The following SP6 variants were observed in gnomAD, a reference collection of about 807,000 sequenced individuals.
SP6 encodes the protein Sp6 transcription factor.
In SP6, 10 loss-of-function variants were observed where a neutral mutation model predicts 23.4. The ratio of observed to expected loss-of-function variants is 0.43; its 90% CI spans 0.26 to 0.72. The LOEUF is 0.72. Among genes scored for constraint, SP6 ranks in the 30% least tolerant of loss-of-function variants. The pLI is 0.23. For missense variants in SP6, 482 were observed against 523.8 expected (o/e 0.92, Z 0.78); for synonymous variants, 238 against 238.7 (o/e 1.00, Z 0.03).
chr17:47,864,936 C>T, the SP6 span: 1 of 152,296 alleles, frequency 6.6e-6, no homozygotes, highest in Non-Finnish European at 1.5e-5. Context: ...TCCCCCTATC[C>T]ACACCCAAGA....
chr17:47,863,839 C>T, the SP6 span, among the ~76,000 whole-genome samples: 9 of 149,228 alleles, frequency 6.0e-5, no homozygotes, highest in Admixed American at 2.0e-4. Context: ...CCTGGGTTCA[C>T]GCCATTCTCC....
rs200504646 is a variant in SP6, at chr17:47,847,378, C to A, written c.1052G>T (p.Gly351Val). The A allele has an allele frequency of 1.2e-6, 2 of 1,611,516 alleles. No individual in the cohort carries two copies. Among genetic ancestry groups the A allele is most frequent in the African/African-American group, 2.7e-5 (2 of 74,886 alleles). ...EEAAGAASGEGKAGGAVEPPG... is the reference protein window; with the variant it reads ...EEAAGAASGEVKAGGAVEPPG... The stretch of plus-strand genomic sequence containing the variant: ...GGGCTCCACTGCGCCGCCGGCCTTG[C>A]CCTCTCCCGAGGCCGCCCCAGCCGC... The change falls in exon 2 of 2, where the codon GGC becomes GTC. Residue 351 changes from glycine to valine, a missense_variant. Physicochemically the swap from Gly to Val is moderately radical, Grantham distance 109. Coordinates refer to ENST00000536300, the MANE Select transcript of SP6 (RefSeq NM_001258248.2).
At chr17:47,854,801 G>T (rs1489593351), upstream of SP6, among the ~76,000 whole-genome samples, 1 of 152,170 alleles carries the variant, frequency 6.6e-6, no homozygotes, top group Non-Finnish European at 1.5e-5. Context: ...TTAGTAGCAA[G>T]TTAGAAGCAG....
upstream of SP6, among the ~76,000 whole-genome samples, chr17:47,856,782 C>T (rs1395935622): frequency 6.6e-6 from 1 of 151,914 alleles, no homozygotes; most frequent in African/African-American, 2.4e-5. Flanking sequence ...AGCCCAATGC[C>T]CTTGGCAGAG....
chr17:47,875,829 T>C, the SP6 span, among the ~76,000 whole-genome samples: 6 of 152,214 alleles, frequency 3.9e-5, no homozygotes, highest in Non-Finnish European at 7.3e-5. Flanking sequence ...ACTGTGGCTC[T>C]TCTTTCACAC....
intron 1 of SP6, among the ~76,000 whole-genome samples, chr17:47,849,466 A>G (rs2033933005): frequency 1.3e-5 from 2 of 152,222 alleles, no homozygotes; most frequent in South Asian, 4.1e-4. Context: ...GAATTGCCCA[A>G]AAAGATGACA....
At chr17:47,873,673 C>T in the SP6 span, among the ~76,000 whole-genome samples, 1 of 152,222 alleles carries the variant, frequency 6.6e-6, no homozygotes, top group Admixed American at 6.5e-5. Flanking sequence ...GGCCATCCCG[C>T]ATTGCTGCCA....
the SP6 span, among the ~76,000 whole-genome samples, chr17:47,875,091 TC>T: frequency 7.9e-6 from 1 of 126,238 alleles, no homozygotes; most frequent in African/African-American, 2.9e-5. Context: ...CGGCTTCTTC[TC>T]TTCTCAGAAA....
chr17:47,845,290 C>T lies in SP6; in HGVS notation c.*2009G>A, dbSNP rs910829453. The T allele has an allele frequency of 3.9e-5, 6 of 152,196 alleles. No homozygotes were observed. Among genetic ancestry groups the T allele is most frequent in the African/African-American group, 1.4e-4 (6 of 41,422 alleles). The allele number at this position is 152,196 out of a possible 1,614,324, so 9.4% of individuals were successfully genotyped here. A position where few individuals can be genotyped will look rare whatever the true frequency, so the allele number is the denominator to read the frequency against. On this transcript the variant is annotated 3_prime_UTR_variant, in exon 2 of 2. Transcript: ENST00000536300. ...GCATCTTACACCCACGGTGCCCTTC[C>T]TCTTTCCCCCTCTCCACCTGGCCAG... is the stretch of plus-strand genomic sequence containing the variant.
At chr17:47,853,040 A>G (rs933659281), upstream of SP6, among the ~76,000 whole-genome samples, 5 of 152,212 alleles carry the variant, frequency 3.3e-5, no homozygotes, top group African/African-American at 4.8e-5. Flanking sequence ...CCAGCCCTGC[A>G]CTTGCTAAAC....
chr17:47,861,452 G>T, the SP6 span, among the ~76,000 whole-genome samples: 1 of 152,228 alleles, frequency 6.6e-6, no homozygotes, highest in Non-Finnish European at 1.5e-5. Context: ...GAACCTGAAG[G>T]CCAGGCGCAG....
In SP6 at chr17:47,851,109, C is replaced by T. The variant is rs1312001775; in HGVS notation, c.-248G>A. 2 of 152,604 alleles carry T rather than the reference C, an allele frequency of 1.3e-5. No homozygotes were observed. Among genetic ancestry groups the T allele is most frequent in the Admixed American group, 6.5e-5 (1 of 15,290 alleles). 9.5% of individuals were successfully genotyped at this position (152,604 alleles called of 1,614,324 possible). A position where few individuals can be genotyped will look rare whatever the true frequency, so the allele number is the denominator to read the frequency against. On this transcript the variant is annotated 5_prime_UTR_variant, in exon 1 of 2. Coordinates refer to ENST00000536300, the MANE Select transcript of SP6 (RefSeq NM_001258248.2). ...GAGAGGGCGGAGGACGGAGGGCGGG[C>T]AGGAGCCAGCGAGCGAACAAGGCCA...
chr17:47,872,404 T>C, the SP6 span, among the ~76,000 whole-genome samples: 2,449 of 152,096 alleles, frequency 0.016, 40 homozygotes, highest in South Asian at 0.03. Flanking sequence ...AAAGGACAGT[T>C]TGGGACCCGG....
upstream of SP6, among the ~76,000 whole-genome samples, chr17:47,859,359 G>T (rs1051027602): frequency 6.6e-6 from 1 of 152,136 alleles, no homozygotes; most frequent in Non-Finnish European, 1.5e-5. Context: ...GCACATAGGC[G>T]GCTTTCTCTG....
Position 47,848,270 on chromosome 17 carries a change from T to C in SP6, c.160A>G (p.Ser54Gly). The C allele has an allele frequency of 6.2e-7, 1 of 1,611,868 alleles. No individual in the cohort carries two copies. Among genetic ancestry groups the C allele is most frequent in the East Asian group, 2.2e-5 (1 of 44,842 alleles). Residue 54 changes from serine to glycine, a missense_variant, in exon 2 of 2, where the codon AGC (serine) becomes GGC (glycine). Around this residue, in one of 3 missense-constraint regions of SP6, gnomAD observed 330 missense variants for 332.3 expected, o/e 0.99. Coordinates refer to ENST00000536300, the MANE Select transcript of SP6 (RefSeq NM_001258248.2). The surrounding 1 kb of genome is among the most constrained non-coding windows in gnomAD (Gnocchi z 5.3). ...PSPLQPGELQ[S>G]LPLGPEVDFS... ...TCCACCTCCGGGCCCAGCGGGAGGC[T>C]CTGCAGCTCTCCAGGCTGCAGCGGG... is the stretch of plus-strand genomic sequence containing the variant.
the SP6 span, among the ~76,000 whole-genome samples, chr17:47,874,796 A>C: frequency 6.6e-6 from 1 of 152,142 alleles, no homozygotes; most frequent in African/African-American, 2.4e-5. Context: ...TCGCAAGAAC[A>C]CAGGCTGCAT....
chr17:47,856,345 C>A (rs997092446), upstream of SP6, among the ~76,000 whole-genome samples: 3 of 152,170 alleles, frequency 2.0e-5, no homozygotes, highest in Admixed American at 6.5e-5. Flanking sequence ...AAGGGAGGAC[C>A]TTTTCCCTGA....
upstream of SP6, among the ~76,000 whole-genome samples, chr17:47,856,228 G>A (rs1054967770): frequency 2.6e-5 from 4 of 152,278 alleles, no homozygotes; most frequent in South Asian, 2.1e-4. Context: ...AATTTCTCTC[G>A]CTCCCTTTTC....
chr17:47,874,710 A>G, the SP6 span, among the ~76,000 whole-genome samples: 4 of 152,022 alleles, frequency 2.6e-5, no homozygotes, highest in African/African-American at 9.7e-5. Context: ...TGGAGAGTGC[A>G]TGTGGGATCC....
Sources: gnomAD v4.1 joint callset for allele counts (sites outside exome capture counted in the v4.1 genomes callset) on GRCh38, gnomAD v4.1.1 for gene constraint, gnomAD v4.1.1 regional missense constraint, Gnocchi (gnomAD v3.1) non-coding constraint, MANE v1.5 for transcripts, NCBI Gene and HGNC (gene_info 2026-07-23, HGNC 2026-07-21) for gene names.